The following RETREG1 variants were observed in gnomAD, a reference collection of about 807,000 sequenced individuals.
RETREG1 encodes family with sequence similarity 134 member B.
A neutral mutation model predicts 54.8 loss-of-function variants in RETREG1; 44 were observed. The ratio of observed to expected loss-of-function variants is 0.80; its 90% CI spans 0.63 to 1.03. The LOEUF (loss-of-function observed/expected upper bound fraction) is 1.03. Ranked by LOEUF, RETREG1 falls within the 50% of genes least tolerant of loss-of-function variation. The pLI, the probability that RETREG1 is intolerant of heterozygous loss-of-function variation, is 0.00. For synonymous variants in RETREG1, 217 were observed against 238.5 expected, an observed-to-expected ratio of 0.91 and a Z score of 0.83; for missense variants, 554 against 605.1, an observed-to-expected ratio of 0.92 and a Z score of 0.89.
In RETREG1 at chr5:16,607,395, C is replaced by T. The variant is rs553802258; in HGVS notation, c.320+9257G>A. Among the ~76,000 whole-genome samples the T allele has an allele frequency of 1.1e-4, 17 of 152,126 alleles. No individual in the cohort carries two copies. In the East Asian group the frequency reaches 3.1e-3, roughly 28 times the overall value. ...TCGGCTGGCCAAGATGGGCAGATCACCTGAGGCCAGGAGTTCAAGATTATC... is the reference window on the plus strand; with the variant it reads ...TCGGCTGGCCAAGATGGGCAGATCATCTGAGGCCAGGAGTTCAAGATTATC... On this transcript the variant is annotated intron_variant, in intron 1 of 8. Transcript: ENST00000306320.
chr5:16,474,415 ATATT>A lies in RETREG1; in HGVS notation c.*322_*325del, dbSNP rs913988072. On this transcript the variant is annotated 3_prime_UTR_variant, in exon 9 of 9. Coordinates refer to ENST00000306320, the MANE Select transcript of RETREG1 (RefSeq NM_001034850.3). ...GCTTGAAAAACTGTAAAGAAAAAGA[ATATT>A]TATAGGAGGATTTTAATAGTTTGGT... 21 of 235,610 alleles carry A rather than the reference ATATT, an allele frequency of 8.9e-5. No homozygotes were observed. Among genetic ancestry groups the A allele is most frequent in the African/African-American group, 3.5e-4 (15 of 43,252 alleles). 14.6% of individuals were successfully genotyped at this position (235,610 alleles called of 1,614,324 possible).
intron 3 of RETREG1, among the ~76,000 whole-genome samples, chr5:16,511,711 T>G (rs1279102740): frequency 2.0e-5 from 3 of 152,162 alleles, no homozygotes; most frequent in Non-Finnish European, 4.4e-5. Context: ...TTTAATTGGC[T>G]CATGGATCTG....
intron 3 of RETREG1, among the ~76,000 whole-genome samples, chr5:16,511,650 G>A (rs914843428): frequency 6.6e-6 from 1 of 152,036 alleles, no homozygotes; most frequent in Admixed American, 6.6e-5. Flanking sequence ...GTCCAGCCCC[G>A]TATTACTATA....
intron 3 of RETREG1, among the ~76,000 whole-genome samples, chr5:16,486,005 A>T (rs1739005503): frequency 6.6e-6 from 1 of 152,142 alleles, no homozygotes; most frequent in African/African-American, 2.4e-5. Flanking sequence ...AACACTCTTA[A>T]TTATATTACA....
intron 1 of RETREG1, among the ~76,000 whole-genome samples, chr5:16,610,192 A>C (rs1279547798): frequency 6.6e-6 from 1 of 152,034 alleles, no homozygotes; most frequent in Non-Finnish European, 1.5e-5. Context: ...AAACAATTTG[A>C]CTCGGTAGGT....
At chr5:16,526,167 G>C (rs899813101) in intron 3 of RETREG1, among the ~76,000 whole-genome samples, 3 of 152,238 alleles carry the variant, frequency 2.0e-5, no homozygotes, top group Non-Finnish European at 4.4e-5. Context: ...CCCATGGAGG[G>C]CCATTGCTGT....
At chr5:16,539,687 G>C (rs897118695) in intron 3 of RETREG1, among the ~76,000 whole-genome samples, 1 of 152,114 alleles carries the variant, frequency 6.6e-6, no homozygotes, top group African/African-American at 2.4e-5. Flanking sequence ...GCCCTGATGT[G>C]ACTTCACTAT....
chr5:16,575,636 C>T (rs955931007), intron 1 of RETREG1, among the ~76,000 whole-genome samples: 20 of 152,240 alleles, frequency 1.3e-4, no homozygotes, highest in African/African-American at 2.4e-5. Flanking sequence ...AAAGAGCACT[C>T]GGGATGTCTG....
intron 3 of RETREG1, among the ~76,000 whole-genome samples, chr5:16,527,516 T>G (rs441908): frequency 0.12 from 18,350 of 152,178 alleles, 1,265 homozygotes; most frequent in African/African-American, 0.15. Flanking sequence ...GAAATGGCAT[T>G]AATGCTAGTT....
At chr5:16,485,374 T>G (rs1738974159) in intron 3 of RETREG1, among the ~76,000 whole-genome samples, 1 of 152,184 alleles carries the variant, frequency 6.6e-6, no homozygotes, top group Admixed American at 6.5e-5. Flanking sequence ...TAAGATGGAA[T>G]AAATGAACAG....
chr5:16,592,456 T>A (rs529316284), intron 1 of RETREG1, among the ~76,000 whole-genome samples: 2 of 151,958 alleles, frequency 1.3e-5, no homozygotes, highest in South Asian at 4.2e-4. Context: ...TTGGTGGGAG[T>A]GTAAATTAGT....
chr5:16,520,014 C>G (rs1159647218), intron 3 of RETREG1, among the ~76,000 whole-genome samples: 1 of 152,182 alleles, frequency 6.6e-6, no homozygotes, highest in Non-Finnish European at 1.5e-5. Context: ...ATGGGTTGGA[C>G]TGTGCCTCCC....
intron 3 of RETREG1, among the ~76,000 whole-genome samples, chr5:16,541,226 G>A (rs1008997883): frequency 2.6e-5 from 4 of 152,154 alleles, no homozygotes; most frequent in Non-Finnish European, 5.9e-5. Flanking sequence ...ACTCACAACT[G>A]ACTGTCAGTG....
At chr5:16,519,711 A>G (rs1740469317) in intron 3 of RETREG1, among the ~76,000 whole-genome samples, 1 of 152,130 alleles carries the variant, frequency 6.6e-6, no homozygotes, top group South Asian at 2.1e-4. Flanking sequence ...TGTAGTCACC[A>G]TATTTCCCAG....
intron 2 of RETREG1, among the ~76,000 whole-genome samples, chr5:16,567,732 G>T (rs1742056211): frequency 6.6e-6 from 1 of 152,034 alleles, no homozygotes; most frequent in Non-Finnish European, 1.5e-5. Context: ...CAAAACGGGG[G>T]GATCACTTGA....
At chr5:16,556,166 T>C (rs7708048) in intron 3 of RETREG1, among the ~76,000 whole-genome samples, 154 of 5,062 alleles carry the variant, frequency 0.03, 1 homozygote, top group Middle Eastern at 0.12. Flanking sequence ...TTTTTTTTCT[T>C]TTTTTTTTTG....
intron 3 of RETREG1, among the ~76,000 whole-genome samples, chr5:16,520,773 T>C (rs916816973): frequency 1.3e-5 from 2 of 152,200 alleles, no homozygotes; most frequent in Middle Eastern, 3.2e-3. Flanking sequence ...TTTGAAAACA[T>C]GATGCAAAGT....
chr5:16,484,251 G>A (rs1001815123), intron 3 of RETREG1, among the ~76,000 whole-genome samples: 2 of 151,992 alleles, frequency 1.3e-5, no homozygotes, highest in Admixed American at 6.6e-5. Flanking sequence ...ATCACTCCAG[G>A]AAGAAGACAC....
Position 16,594,146 on chromosome 5 carries a change from G to A in RETREG1, c.321-22044C>T, listed in dbSNP as rs139388202. Reference sequence around the variant, plus strand: ...CAGCAGAGATTTGATGGGCACCATCGGAAACAAAAGCTGGCATGTACACAG... The same window carrying A: ...CAGCAGAGATTTGATGGGCACCATCAGAAACAAAAGCTGGCATGTACACAG... On this transcript the variant is annotated intron_variant, in intron 1 of 8. Transcript: ENST00000306320. The surrounding 1 kb of genome is among the most constrained non-coding windows in gnomAD (Gnocchi z 4.4). 2.6e-3 allele frequency among the ~76,000 whole-genome samples: 390 copies of A among 152,314 alleles called. 2 individuals are homozygous for A. Among genetic ancestry groups the A allele is most frequent in the African/African-American group, 9.0e-3 (373 of 41,578 alleles).
Sources: allele counts gnomAD v4.1 joint callset (sites outside exome capture counted in the v4.1 genomes callset), GRCh38; gene constraint gnomAD v4.1.1; non-coding constraint Gnocchi (gnomAD v3.1); transcripts MANE v1.5; gene names NCBI Gene and HGNC (gene_info 2026-07-23, HGNC 2026-07-21).